The following MTRF1 variants were observed in gnomAD, a reference collection of about 807,000 sequenced individuals.
The protein encoded by MTRF1 is mitochondrial translation release factor 1, also known as peptide chain release factor 1, mitochondrial.
In MTRF1, 51 loss-of-function variants were observed where a neutral mutation model predicts 62.9. The observed-to-expected ratio is 0.81, with a 90% CI of 0.65 to 1.02. The LOEUF is 1.02. Among genes scored for constraint, MTRF1 ranks in the 50% least tolerant of loss-of-function variants. The probability of loss-of-function intolerance (pLI) is 0.00; values close to 1 mark genes in which losing one functional copy is unlikely to be tolerated. For missense variants in MTRF1, 446 were observed against 530.0 expected, an observed-to-expected ratio of 0.84 and a Z score of 1.56; for synonymous variants, 158 against 181.9, an observed-to-expected ratio of 0.87 and a Z score of 1.06.
the MTRF1 span, among the ~76,000 whole-genome samples, chr13:41,298,599 C>T: frequency 6.6e-6 from 1 of 152,214 alleles, no homozygotes; most frequent in Non-Finnish European, 1.5e-5. Context: ...TAATCTTTGG[C>T]TTTACTTTCT....
chr13:41,298,021 T>C, the MTRF1 span, among the ~76,000 whole-genome samples: 8 of 152,316 alleles, frequency 5.3e-5, no homozygotes, highest in East Asian at 1.5e-3. Context: ...TCTAAATACA[T>C]TTTCCCTTTT....
At chr13:41,278,436 G>A in the MTRF1 span, among the ~76,000 whole-genome samples, 1 of 152,186 alleles carries the variant, frequency 6.6e-6, no homozygotes, top group Non-Finnish European at 1.5e-5. Flanking sequence ...GATTCCATTG[G>A]TTACTTGGGA....
chr13:41,298,285 T>C, the MTRF1 span, among the ~76,000 whole-genome samples: 7 of 125,358 alleles, frequency 5.6e-5, no homozygotes, highest in East Asian at 1.6e-3. Context: ...TGAAAGGCAG[T>C]CCAACTGGGG....
intron 5 of MTRF1, among the ~76,000 whole-genome samples, chr13:41,246,849 T>C (rs1350461318): frequency 2.0e-5 from 3 of 152,252 alleles, no homozygotes; most frequent in Non-Finnish European, 2.9e-5. Flanking sequence ...TTATTTGGCA[T>C]AGATTAAAAC....
chr13:41,225,239 C>T (rs1012193658), intron 8 of MTRF1, among the ~76,000 whole-genome samples: 5 of 148,158 alleles, frequency 3.4e-5, no homozygotes, highest in Non-Finnish European at 5.9e-5. Flanking sequence ...CTTTGTGCAA[C>T]GCCTGGTGCC....
chr13:41,304,274 G>GT, the MTRF1 span, among the ~76,000 whole-genome samples: 3 of 152,172 alleles, frequency 2.0e-5, no homozygotes, highest in Non-Finnish European at 4.4e-5. Context: ...GAGGGCAGAT[G>GT]TTTTTTCAGA....
chr13:41,254,620 C>T lies in MTRF1; in HGVS notation c.416G>A (p.Ser139Asn). ...AIEELESMCK[S>N]LNKQDEKQLQ... is the part of the protein sequence containing the mutation. The stretch of plus-strand genomic sequence containing the variant: ...CTGCTTTTCATCTTGTTTATTTAGG[C>T]CTAAAAGCCAGAAACAGAAATAATG... Residue 139 changes from serine to asparagine, a missense_variant and splice_region_variant, in exon 3 of 10, where the codon AGC becomes AAC. By Grantham distance (46) the Ser-to-Asn change is conservative. Transcript: ENST00000379480. The T allele has an allele frequency of 1.2e-6, 2 of 1,609,340 alleles. No individual in the cohort carries two copies. The highest frequency in any genetic ancestry group is 8.5e-7 in the Non-Finnish European group (1 of 1,176,612).
At chr13:41,291,691 T>C in the MTRF1 span, among the ~76,000 whole-genome samples, 2 of 152,088 alleles carry the variant, frequency 1.3e-5, no homozygotes, top group African/African-American at 4.8e-5. Flanking sequence ...GAGGGAAAGG[T>C]ATTTAAATGT....
chr13:41,246,606 A>C (rs2038291080), intron 5 of MTRF1, among the ~76,000 whole-genome samples: 1 of 152,184 alleles, frequency 6.6e-6, no homozygotes, highest in Non-Finnish European at 1.5e-5. Flanking sequence ...CCAAATAAAG[A>C]AGCTGACATG....
At chr13:41,303,692 G>C in the MTRF1 span, among the ~76,000 whole-genome samples, 2 of 152,160 alleles carry the variant, frequency 1.3e-5, no homozygotes, top group African/African-American at 4.8e-5. Context: ...GCATTCCCAG[G>C]AGGGTAAGTA....
Position 41,217,068 on chromosome 13 carries a change from A to G in MTRF1, c.*47T>C. Reference sequence around the variant, plus strand: ...TCCAAGCTTCAGTCTGCCTCTTGATATAGGTCCATTTCATTTATATAATCA... The same window carrying G: ...TCCAAGCTTCAGTCTGCCTCTTGATGTAGGTCCATTTCATTTATATAATCA... On this transcript the variant is annotated 3_prime_UTR_variant, in exon 10 of 10. Coordinates refer to ENST00000379480, the MANE Select transcript of MTRF1 (RefSeq NM_004294.4). 1 of 1,098,682 alleles carries G rather than the reference A, an allele frequency of 9.1e-7. No individual in the cohort carries two copies. The highest frequency in any genetic ancestry group is 1.3e-6 in the Non-Finnish European group (1 of 747,796). The allele number at this position is 1,098,682 out of a possible 1,614,324, so 68.1% of individuals were successfully genotyped here.
chr13:41,225,167 G>A (rs1362950675), intron 8 of MTRF1, among the ~76,000 whole-genome samples: 2 of 147,236 alleles, frequency 1.4e-5, no homozygotes, highest in Admixed American at 6.9e-5. Context: ...AGCCAAGATC[G>A]TGCCACTGCA....
chr13:41,284,168 AC>A, the MTRF1 span, among the ~76,000 whole-genome samples: 7,945 of 151,524 alleles, frequency 0.052, 282 homozygotes, highest in Non-Finnish European at 0.073. Context: ...ATGGGGAGAC[AC>A]CATCTCTACA....
At chr13:41,254,023 T>A (rs2039405322) in intron 3 of MTRF1, among the ~76,000 whole-genome samples, 1 of 152,318 alleles carries the variant, frequency 6.6e-6, no homozygotes, top group South Asian at 2.1e-4. Context: ...CATTTCCATG[T>A]CTAGGAGATA....
chr13:41,236,783 A>T (rs1317252237), intron 6 of MTRF1: 2 of 152,238 alleles, frequency 1.3e-5, no homozygotes, highest in Non-Finnish European at 2.9e-5. Context: ...ATGTTACAGA[A>T]ATGATCTAAT....
At chr13:41,309,208 C>G in the MTRF1 span, among the ~76,000 whole-genome samples, 2 of 150,750 alleles carry the variant, frequency 1.3e-5, no homozygotes, top group Non-Finnish European at 3.0e-5. Flanking sequence ...TTTTTTGAGG[C>G]AGTTTGTTGC....
chr13:41,311,190 C>T, the MTRF1 span: 1 of 452,468 alleles, frequency 2.2e-6, no homozygotes, highest in Non-Finnish European at 3.9e-6. Flanking sequence ...CCGTAGTCAC[C>T]CGCAGCCCCT....
the MTRF1 span, among the ~76,000 whole-genome samples, chr13:41,270,112 G>A: frequency 2.6e-5 from 4 of 151,862 alleles, no homozygotes; most frequent in Non-Finnish European, 5.9e-5. Flanking sequence ...TTCTATCTTG[G>A]GCTGGGTTTA....
At chr13:41,256,771 T>G (rs958367631) in intron 2 of MTRF1, among the ~76,000 whole-genome samples, 1 of 152,252 alleles carries the variant, frequency 6.6e-6, no homozygotes, top group African/African-American at 2.4e-5. Flanking sequence ...ATTATTTTTG[T>G]GTTCTCTTAT....
Sources: gnomAD v4.1 joint callset for allele counts (sites outside exome capture counted in the v4.1 genomes callset) on GRCh38, gnomAD v4.1.1 for gene constraint, MANE v1.5 for transcripts, NCBI Gene and HGNC (gene_info 2026-07-23, HGNC 2026-07-21) for gene names.